The following CTNND2 variants were observed in gnomAD, a reference collection of about 807,000 sequenced individuals.
CTNND2 encodes catenin delta 2.
Under a neutral mutation model 144.4 loss-of-function variants are expected in CTNND2, and 22 were observed. That is an observed-to-expected ratio of 0.15 (90% CI 0.11 to 0.22). CTNND2 has a LOEUF of 0.22. Among genes scored for constraint, CTNND2 ranks in the 10% least tolerant of loss-of-function variants. CTNND2 has a pLI of 1.00. For missense variants in CTNND2, 1,353 were observed against 1,618.8 expected (o/e 0.84, Z 2.82); for synonymous variants, 751 against 695.6 (o/e 1.08, Z -1.25).
At chr5:11,134,011 A>G (rs1755876920) in intron 12 of CTNND2, among the ~76,000 whole-genome samples, 1 of 152,198 alleles carries the variant, frequency 6.6e-6, no homozygotes, top group African/African-American at 2.4e-5. Context: ...GTTGCTAATC[A>G]GCTGACCTTA....
chr5:11,068,465 G>A (rs540831417), intron 16 of CTNND2, among the ~76,000 whole-genome samples: 1 of 152,008 alleles, frequency 6.6e-6, no homozygotes, highest in Non-Finnish European at 1.5e-5. Flanking sequence ...GAGAGTAGAG[G>A]GTAAGTAGGT....
At chr5:11,519,910 G>A (rs1376614052) in intron 3 of CTNND2, among the ~76,000 whole-genome samples, 4 of 151,742 alleles carry the variant, frequency 2.6e-5, no homozygotes, top group African/African-American at 2.4e-5. Flanking sequence ...AGGCTGACAC[G>A]GGCGGATCAC....
chr5:11,538,906 A>C (rs1774468529), intron 3 of CTNND2, among the ~76,000 whole-genome samples: 1 of 152,200 alleles, frequency 6.6e-6, no homozygotes, highest in South Asian at 2.1e-4. Flanking sequence ...GGATGTCTAT[A>C]ATAAGAACTA....
chr5:11,133,618 T>C (rs1193616390), intron 12 of CTNND2, among the ~76,000 whole-genome samples: 1 of 151,920 alleles, frequency 6.6e-6, no homozygotes, highest in Non-Finnish European at 1.5e-5. Context: ...TCCCAAAGTG[T>C]TGGGATTACA....
chr5:11,787,202 T>C (rs1790882680), intron 1 of CTNND2, among the ~76,000 whole-genome samples: 1 of 152,228 alleles, frequency 6.6e-6, no homozygotes, highest in South Asian at 2.1e-4. Flanking sequence ...CAATGGCAGC[T>C]TTACATAGTA....
chr5:11,581,376 T>A (rs1561584883), intron 2 of CTNND2, among the ~76,000 whole-genome samples: 1 of 152,240 alleles, frequency 6.6e-6, no homozygotes, highest in Admixed American at 6.5e-5. Flanking sequence ...TATGAAGATA[T>A]TAGTCCAAGT....
At position 11,305,701 on chromosome 5, in the gene CTNND2, T is replaced by C. The variant is rs73743749; in HGVS notation, c.1628+40671A>G. 6.4e-3 allele frequency among the ~76,000 whole-genome samples: 973 copies of C among 152,300 alleles called. 8 individuals are homozygous for C. The highest frequency in any genetic ancestry group is 0.022 in the African/African-American group (934 of 41,554). ...CCTCTTAATGCACAGTAACAAACTA[T>C]GTTAAGTGTCAGGAAGGAAAGGTTA... On this transcript the variant is annotated intron_variant, in intron 9 of 21. Transcript: ENST00000304623.
chr5:11,419,858 G>A (rs1321785918), intron 3 of CTNND2, among the ~76,000 whole-genome samples: 1 of 152,006 alleles, frequency 6.6e-6, no homozygotes, highest in Non-Finnish European at 1.5e-5. Flanking sequence ...TCAATTTTTT[G>A]ATGCCCAAAG....
intron 2 of CTNND2, among the ~76,000 whole-genome samples, chr5:11,662,663 G>A (rs934296861): frequency 1.3e-5 from 2 of 152,042 alleles, no homozygotes; most frequent in Non-Finnish European, 2.9e-5. Flanking sequence ...TACATCCTTC[G>A]ATCCAACCAA....
chr5:11,346,739 C>G, intron 8 of CTNND2, 112 bp from the exon 9 acceptor site: 1 of 996,834 alleles, frequency 1.0e-6, no homozygotes, highest in Non-Finnish European at 1.3e-6. Flanking sequence ...ATAGGGGGTT[C>G]AAAAGAATAA....
chr5:11,680,887 A>C (rs1474765512), intron 2 of CTNND2, among the ~76,000 whole-genome samples: 2 of 152,148 alleles, frequency 1.3e-5, no homozygotes, highest in African/African-American at 4.8e-5. Flanking sequence ...AGGTAAATAG[A>C]GCTCCACCAC....
rs1561030424 is a variant in CTNND2, at chr5:11,213,118, A to G, written c.1762-13457T>C. Among the ~76,000 whole-genome samples the G allele has an allele frequency of 2.0e-5, 3 of 152,182 alleles. No homozygotes were observed. The South Asian group carries it at 6.2e-4, about 32-fold the overall frequency. On this transcript the variant is annotated intron_variant, in intron 10 of 21. Coordinates refer to ENST00000304623, the MANE Select transcript of CTNND2 (RefSeq NM_001332.4). ...GCATAACACACACAGGGGTTTCTAC[A>G]TCTCTCAACCATTTTTGTTTCAATC...
intron 10 of CTNND2, among the ~76,000 whole-genome samples, chr5:11,214,249 A>C (rs543208449): frequency 1.3e-5 from 2 of 152,310 alleles, no homozygotes; most frequent in Non-Finnish European, 2.9e-5. Context: ...CTCTTTTAAA[A>C]TCTTTCATGC....
intron 3 of CTNND2, among the ~76,000 whole-genome samples, chr5:11,511,060 AGTATGCTAACT>A (rs1342730049): frequency 6.6e-6 from 1 of 152,246 alleles, no homozygotes; most frequent in East Asian, 1.9e-4. Context: ...ACTATGTCCA[AGTATGCTAACT>A]GTATGCTAAT....
intron 16 of CTNND2, among the ~76,000 whole-genome samples, chr5:11,032,754 C>A (rs1432729564): frequency 6.6e-6 from 1 of 152,168 alleles, no homozygotes; most frequent in Non-Finnish European, 1.5e-5. Flanking sequence ...AAAAGCCAGT[C>A]TCAAAAGGTT....
intron 5 of CTNND2, among the ~76,000 whole-genome samples, chr5:11,401,280 T>C (rs576166702): frequency 6.6e-6 from 1 of 152,368 alleles, no homozygotes; most frequent in East Asian, 1.9e-4. Context: ...GCACTTGTTC[T>C]GTTTACCTAG....
At chr5:11,645,123 G>T (rs561836496) in intron 2 of CTNND2, among the ~76,000 whole-genome samples, 1 of 152,080 alleles carries the variant, frequency 6.6e-6, no homozygotes, top group East Asian at 1.9e-4. Flanking sequence ...GCACCACCAT[G>T]CCCAGCTAAT....
chr5:11,183,229 G>GA (rs1456507302), intron 11 of CTNND2, among the ~76,000 whole-genome samples: 1 of 152,156 alleles, frequency 6.6e-6, no homozygotes, highest in Non-Finnish European at 1.5e-5. Context: ...TAGACTGCTT[G>GA]AAAATCCTAA....
chr5:11,332,493 A>G (rs772987103), intron 9 of CTNND2, among the ~76,000 whole-genome samples: 7 of 152,124 alleles, frequency 4.6e-5, no homozygotes, highest in Non-Finnish European at 1.0e-4. Context: ...TATACATAAC[A>G]TAAAATTTAC....
Sources: allele counts gnomAD v4.1 joint callset (sites outside exome capture counted in the v4.1 genomes callset), GRCh38; gene constraint gnomAD v4.1.1; transcripts MANE v1.5; gene names NCBI Gene and HGNC (gene_info 2026-07-23, HGNC 2026-07-21).